Variants in CSMD1 observed in about 807,000 individuals in gnomAD.
CSMD1 encodes CUB and Sushi multiple domains 1.
A neutral mutation model predicts 417.5 loss-of-function variants in CSMD1; 213 were observed. The ratio of observed to expected loss-of-function variants is 0.51; its 90% CI spans 0.46 to 0.57. The LOEUF is 0.57. Among genes scored for constraint, CSMD1 ranks in the 20% least tolerant of loss-of-function variants. CSMD1 has a pLI of 0.00. For synonymous variants in CSMD1, 2,862 were observed against 1,736.8 expected, an observed-to-expected ratio of 1.65 and a Z score of -16.11; for missense variants, 6,923 against 4,529.7, an observed-to-expected ratio of 1.53 and a Z score of -15.17.
At chr8:4,037,588 T>G (rs766852306) in intron 3 of CSMD1, among the ~76,000 whole-genome samples, 11 of 140,950 alleles carry the variant, frequency 7.8e-5, no homozygotes, top group South Asian at 4.8e-4. Flanking sequence ...TGACAGGGAT[T>G]GCAATGGAAA....
At chr8:3,496,626 G>A (rs1200613054) in intron 10 of CSMD1, among the ~76,000 whole-genome samples, 1 of 152,090 alleles carries the variant, frequency 6.6e-6, no homozygotes. Flanking sequence ...AGGAATTCGA[G>A]ACCAGCTTGG....
At chr8:4,784,243 A>C (rs1001882911) in intron 1 of CSMD1, among the ~76,000 whole-genome samples, 9 of 152,212 alleles carry the variant, frequency 5.9e-5, no homozygotes, top group African/African-American at 1.7e-4. Flanking sequence ...TAATTGGAAA[A>C]GTCAAGCCCA....
chr8:3,003,658 G>A (rs1425986300), intron 52 of CSMD1, among the ~76,000 whole-genome samples: 1 of 152,118 alleles, frequency 6.6e-6, no homozygotes, highest in Non-Finnish European at 1.5e-5. Context: ...AGACACAATC[G>A]CAGAGGGTAA....
At chr8:3,262,936 A>G (rs1056076210) in intron 26 of CSMD1, among the ~76,000 whole-genome samples, 3 of 152,174 alleles carry the variant, frequency 2.0e-5, no homozygotes, top group Non-Finnish European at 4.4e-5. Context: ...GAATCCTATG[A>G]AAAAGTTTGT....
intron 9 of CSMD1, among the ~76,000 whole-genome samples, chr8:3,583,156 G>A (rs986947): frequency 0.87 from 132,463 of 151,938 alleles, 58,119 homozygotes; most frequent in African/African-American, 0.91. Flanking sequence ...TTCAGATATA[G>A]TGCCAGCCCT....
At chr8:3,216,403 AT>A (rs1487916800) in intron 29 of CSMD1, among the ~76,000 whole-genome samples, 1 of 152,194 alleles carries the variant, frequency 6.6e-6, no homozygotes. Context: ...ATTTTCCCCT[AT>A]TGAAAATAAA....
chr8:3,661,161 C>T (rs1350282021), intron 7 of CSMD1, among the ~76,000 whole-genome samples: 1 of 152,148 alleles, frequency 6.6e-6, no homozygotes, highest in Non-Finnish European at 1.5e-5. Flanking sequence ...TATATGACTC[C>T]TTGTGGATGA....
intron 2 of CSMD1, among the ~76,000 whole-genome samples, chr8:4,548,523 A>G (rs1323515288): frequency 6.6e-6 from 1 of 152,202 alleles, no homozygotes; most frequent in Non-Finnish European, 1.5e-5. Flanking sequence ...CAAAAATAAA[A>G]AATGAATGCC....
chr8:3,542,415 C>G (rs1013924796), intron 10 of CSMD1, among the ~76,000 whole-genome samples: 3 of 152,150 alleles, frequency 2.0e-5, no homozygotes, highest in African/African-American at 7.2e-5. Context: ...GTTCCAGATA[C>G]CGTTCTACGA....
At chr8:3,718,864 G>T (rs780997986) in intron 6 of CSMD1, among the ~76,000 whole-genome samples, 2 of 152,104 alleles carry the variant, frequency 1.3e-5, no homozygotes, top group African/African-American at 2.4e-5. Context: ...GGAATTTAAA[G>T]ATTGTTTTAC....
intron 40 of CSMD1, among the ~76,000 whole-genome samples, chr8:3,145,489 G>T (rs1818787362): frequency 6.6e-6 from 1 of 152,046 alleles, no homozygotes; most frequent in Admixed American, 6.5e-5. Context: ...TAGTGAAAGT[G>T]GTTTGTTACT....
At chr8:3,731,592 A>C (rs375224064) in intron 6 of CSMD1, among the ~76,000 whole-genome samples, 1 of 152,176 alleles carries the variant, frequency 6.6e-6, no homozygotes, top group Non-Finnish European at 1.5e-5. Context: ...TTTGAAAGTG[A>C]TATGAACTTT....
chr8:4,631,938 G>T (rs976401200), intron 2 of CSMD1, among the ~76,000 whole-genome samples: 5 of 152,088 alleles, frequency 3.3e-5, no homozygotes, highest in African/African-American at 9.7e-5. Context: ...TCCCTTCATA[G>T]ATTCGCCTTT....
chr8:4,761,886 T>A (rs3990426), intron 1 of CSMD1, among the ~76,000 whole-genome samples: 1 of 92,372 alleles, frequency 1.1e-5, no homozygotes, highest in Non-Finnish European at 2.3e-5. Flanking sequence ...TATCTATCTA[T>A]CTACCTACCT....
At chr8:3,957,163 C>T (rs545690081) in intron 5 of CSMD1, among the ~76,000 whole-genome samples, 1 of 152,230 alleles carries the variant, frequency 6.6e-6, no homozygotes, top group South Asian at 2.1e-4. Flanking sequence ...ACACCCAGCT[C>T]TGCTAGATCC....
rs1200912441 is a variant in CSMD1, at chr8:3,406,093, C to G, written c.2200G>C (p.Glu734Gln). The part of the protein sequence containing the change: ...DDGFVKTQGS[E>Q]SITCILQDGN... ...TCTTGCAGTATGCAGGTAATGGACTCGGATCCCTGGGTCTTGACAAAGCCA... is the reference window on the plus strand; with the variant it reads ...TCTTGCAGTATGCAGGTAATGGACTGGGATCCCTGGGTCTTGACAAAGCCA... Residue 734 changes from glutamate to glutamine, a missense_variant, in exon 15 of 70, where the codon GAG (glutamate) becomes CAG (glutamine). Glu to Gln is a conservative substitution (Grantham distance 29, BLOSUM62 2). Transcript: ENST00000635120. 3 of 1,613,902 alleles carry G rather than the reference C, an allele frequency of 1.9e-6. No individual in the cohort carries two copies. Among genetic ancestry groups the G allele is most frequent in the Non-Finnish European group, 2.5e-6 (3 of 1,179,874 alleles).
chr8:3,172,800 T>C (rs1820664553), intron 37 of CSMD1, among the ~76,000 whole-genome samples: 1 of 152,190 alleles, frequency 6.6e-6, no homozygotes, highest in South Asian at 2.1e-4. Flanking sequence ...CCAATGGCAA[T>C]TGTCAGTTTC....
intron 68 of CSMD1, among the ~76,000 whole-genome samples, chr8:2,944,017 C>T (rs1449404024): frequency 4.6e-5 from 7 of 152,124 alleles, no homozygotes; most frequent in African/African-American, 1.7e-4. Context: ...ACATTATTTG[C>T]CATTTGCTTC....
intron 3 of CSMD1, among the ~76,000 whole-genome samples, chr8:4,043,005 A>T (rs1797971185): frequency 6.6e-6 from 1 of 151,824 alleles, no homozygotes; most frequent in East Asian, 1.9e-4. Context: ...GGTGACTTGC[A>T]CCTGTAGTCC....
Sources: gnomAD v4.1 joint callset for allele counts (sites outside exome capture counted in the v4.1 genomes callset) on GRCh38, gnomAD v4.1.1 for gene constraint, MANE v1.5 for transcripts, NCBI Gene and HGNC (gene_info 2026-07-23, HGNC 2026-07-21) for gene names.